The following CNTNAP5 variants were observed in gnomAD, a reference collection of about 807,000 sequenced individuals.
The protein encoded by CNTNAP5 is contactin associated protein family member 5, also known as contactin-associated protein-like 5.
Under a neutral mutation model 150.2 loss-of-function variants are expected in CNTNAP5, and 72 were observed. The ratio of observed to expected loss-of-function variants is 0.48; its 90% CI spans 0.40 to 0.58. The LOEUF is 0.58. Ranked by LOEUF, CNTNAP5 falls within the 20% of genes least tolerant of loss-of-function variation. The probability of loss-of-function intolerance (pLI) is 0.00; values close to 1 mark genes in which losing one functional copy is unlikely to be tolerated. For missense variants in CNTNAP5, 1,636 were observed against 1,626.2 expected, an observed-to-expected ratio of 1.01 and a Z score of -0.10; for synonymous variants, 672 against 619.8, an observed-to-expected ratio of 1.08 and a Z score of -1.25.
chr2:124,382,564 G>A (rs759233467), intron 3 of CNTNAP5, among the ~76,000 whole-genome samples: 2 of 152,132 alleles, frequency 1.3e-5, no homozygotes, highest in Admixed American at 6.5e-5. Flanking sequence ...TTTCCCATCA[G>A]TACAATCATT....
At chr2:124,859,731 A>G (rs1677469105) in intron 19 of CNTNAP5, among the ~76,000 whole-genome samples, 1 of 152,166 alleles carries the variant, frequency 6.6e-6, no homozygotes, top group Admixed American at 6.6e-5. Flanking sequence ...ATGCAGCCAT[A>G]AAAAAGGATG....
At chr2:124,112,773 G>A (rs1187584503) in intron 1 of CNTNAP5, among the ~76,000 whole-genome samples, 2 of 151,990 alleles carry the variant, frequency 1.3e-5, no homozygotes, top group East Asian at 3.9e-4. Flanking sequence ...TATTACCTCT[G>A]CAGCAAGCAT....
intron 1 of CNTNAP5, among the ~76,000 whole-genome samples, chr2:124,158,748 T>G (rs145436301): frequency 6.6e-6 from 1 of 152,232 alleles, no homozygotes; most frequent in South Asian, 2.1e-4. Flanking sequence ...CAAAATAGAT[T>G]GTTGCCTTTC....
chr2:124,186,667 C>T (rs7558429), intron 1 of CNTNAP5, among the ~76,000 whole-genome samples: 52,518 of 151,988 alleles, frequency 0.35, 9,176 homozygotes, highest in East Asian at 0.43. Context: ...CCCTGTTAAG[C>T]TTTATTAGAA....
intron 3 of CNTNAP5, among the ~76,000 whole-genome samples, chr2:124,313,304 G>A (rs918913452): frequency 1.3e-5 from 2 of 152,020 alleles, no homozygotes; most frequent in East Asian, 1.9e-4. Context: ...TTACATTTAG[G>A]CATCCAATCA....
chr2:124,873,210 A>G (rs919208126), intron 21 of CNTNAP5, among the ~76,000 whole-genome samples: 1 of 152,082 alleles, frequency 6.6e-6, no homozygotes, highest in African/African-American at 2.4e-5. Context: ...AAGAGCGAGG[A>G]GGAAGGTGCC....
intron 1 of CNTNAP5, among the ~76,000 whole-genome samples, chr2:124,088,832 G>T (rs954596209): frequency 2.0e-5 from 3 of 152,136 alleles, no homozygotes; most frequent in Non-Finnish European, 2.9e-5. Context: ...CCACTCAAGT[G>T]CATCTTGATA....
At chr2:124,707,389 C>T (rs1358867794) in intron 13 of CNTNAP5, among the ~76,000 whole-genome samples, 1 of 152,066 alleles carries the variant, frequency 6.6e-6, no homozygotes, top group Non-Finnish European at 1.5e-5. Flanking sequence ...GTGCAACTGG[C>T]ATTTTCCCAA....
intron 1 of CNTNAP5, among the ~76,000 whole-genome samples, chr2:124,106,041 T>C (rs573787418): frequency 6.6e-6 from 1 of 152,336 alleles, no homozygotes; most frequent in Admixed American, 6.5e-5. Context: ...AATTGAAATC[T>C]ACGATTACTT....
chr2:124,302,389 A>G (rs1688586373), intron 3 of CNTNAP5, among the ~76,000 whole-genome samples: 1 of 152,218 alleles, frequency 6.6e-6, no homozygotes. Context: ...TTTTAAATAA[A>G]CAGAAATGCA....
At chr2:124,711,055 G>A (rs1573564642) in intron 13 of CNTNAP5, among the ~76,000 whole-genome samples, 2 of 151,980 alleles carry the variant, frequency 1.3e-5, no homozygotes, top group South Asian at 4.1e-4. Flanking sequence ...GGTGGATTAC[G>A]AGGTCAGGAG....
At chr2:124,072,828 T>A (rs1014938288) in intron 1 of CNTNAP5, among the ~76,000 whole-genome samples, 4 of 151,962 alleles carry the variant, frequency 2.6e-5, no homozygotes, top group African/African-American at 9.7e-5. Flanking sequence ...AAAATACCAA[T>A]GACATCCTTC....
chr2:124,780,293 T>A (rs992652750), intron 17 of CNTNAP5, among the ~76,000 whole-genome samples: 3 of 152,122 alleles, frequency 2.0e-5, no homozygotes, highest in Non-Finnish European at 4.4e-5. Flanking sequence ...CTTCACCCCA[T>A]TGGAATAATG....
chr2:124,435,446 A>G (rs569418965), intron 5 of CNTNAP5, among the ~76,000 whole-genome samples: 2 of 152,282 alleles, frequency 1.3e-5, no homozygotes, highest in East Asian at 3.9e-4. Context: ...AGGCAGGAGC[A>G]CAGTTCCCAA....
At chr2:124,883,460 G>A (rs1200415926) in intron 21 of CNTNAP5, among the ~76,000 whole-genome samples, 4 of 152,012 alleles carry the variant, frequency 2.6e-5, no homozygotes, top group Admixed American at 1.3e-4. Flanking sequence ...ATGTGTGTGG[G>A]TAGAGTGCTT....
At chr2:124,475,844 A>G (rs1185436216) in intron 7 of CNTNAP5, among the ~76,000 whole-genome samples, 2 of 151,980 alleles carry the variant, frequency 1.3e-5, no homozygotes, top group African/African-American at 2.4e-5. Flanking sequence ...CATGCTTTCA[A>G]TTTCTGTCTT....
chr2:124,538,532 GAAAGAAAGAAAGAAAGAGAGAAAGAAAGA>G (rs1695296906), intron 10 of CNTNAP5, among the ~76,000 whole-genome samples: 1 of 140,084 alleles, frequency 7.1e-6, no homozygotes, highest in Non-Finnish European at 1.5e-5. Flanking sequence ...AAGAAAGAAG[GAAAGAAAGAAAGAAAGAGAGAAAGAAAGA>G]AAAGAAAGAA....
intron 1 of CNTNAP5, among the ~76,000 whole-genome samples, chr2:124,065,365 CA>C (rs1682128921): frequency 6.6e-6 from 1 of 152,110 alleles, no homozygotes; most frequent in Non-Finnish European, 1.5e-5. Flanking sequence ...TTGAGCCATT[CA>C]GCTAATTCTG....
At chr2:124,767,543 A>AC (rs1483339952) in intron 16 of CNTNAP5, among the ~76,000 whole-genome samples, 17 of 152,270 alleles carry the variant, frequency 1.1e-4, no homozygotes, top group African/African-American at 3.6e-4. Flanking sequence ...CTAGACTAGA[A>AC]CCCAATGTGG....
Sources: allele counts gnomAD v4.1 joint callset (sites outside exome capture counted in the v4.1 genomes callset), GRCh38; gene constraint gnomAD v4.1.1; transcripts MANE v1.5; gene names NCBI Gene and HGNC (gene_info 2026-07-23, HGNC 2026-07-21).